ITGB6: variants seen among roughly 807,000 people sequenced by gnomAD.
The protein encoded by ITGB6 is integrin subunit beta 6.
ITGB6 carries 80 observed loss-of-function variants against 84.5 expected under a neutral mutation model. That is an observed-to-expected ratio of 0.95 (90% confidence interval 0.79 to 1.14). The LOEUF is 1.14. Among genes scored for constraint, ITGB6 ranks in the 50% most tolerant of loss-of-function variants. The pLI is 0.00. For missense variants in ITGB6, 1,006 were observed against 968.0 expected (o/e 1.04, Z -0.52); for synonymous variants, 383 against 354.9 (o/e 1.08, Z -0.89).
chr2:160,128,850 G>C (rs1033374731), intron 10 of ITGB6, among the ~76,000 whole-genome samples: 1 of 152,116 alleles, frequency 6.6e-6, no homozygotes, highest in Non-Finnish European at 1.5e-5. Context: ...TGGGGAAGAT[G>C]ATGAGTTCAC....
chr2:160,195,368 C>T lies in ITGB6; in HGVS notation c.593+1G>A. ...AGATGCCAAGAGAATCATTTACTTA[C>T]CTGCAAGGGTTGGCAATTTCTTCTG... On this transcript the variant is annotated splice_donor_variant, in intron 4 of 14. Transcript: ENST00000283249. LOFTEE classifies it high-confidence loss of function. 1 of 1,614,082 alleles carries T rather than the reference C, an allele frequency of 6.2e-7. No individual in the cohort carries two copies. Among genetic ancestry groups the T allele is most frequent in the Non-Finnish European group, 8.5e-7 (1 of 1,179,956 alleles).
chr2:160,168,111 C>G (rs776682865), intron 7 of ITGB6, among the ~76,000 whole-genome samples: 1 of 152,210 alleles, frequency 6.6e-6, no homozygotes, highest in East Asian at 1.9e-4. Context: ...ACACAGGTTT[C>G]AAGTATGGAG....
intron 14 of ITGB6, among the ~76,000 whole-genome samples, chr2:160,103,246 A>C (rs999141025): frequency 6.6e-6 from 1 of 152,172 alleles, no homozygotes; most frequent in Admixed American, 6.5e-5. Flanking sequence ...AAAGAATTGA[A>C]TAAAATCGGA....
At chr2:160,121,346 A>G (rs999130017) in intron 12 of ITGB6, among the ~76,000 whole-genome samples, 1 of 152,250 alleles carries the variant, frequency 6.6e-6, no homozygotes, top group Non-Finnish European at 1.5e-5. Flanking sequence ...AGTCCTGCAA[A>G]GAAAACAAGA....
At chr2:160,124,036 A>C in intron 11 of ITGB6, 148 bp from the exon 12 acceptor site, 1 of 579,850 alleles carries the variant, frequency 1.7e-6, no homozygotes, top group Non-Finnish European at 3.0e-6. Context: ...AAAGGATAGT[A>C]GGGTAATGTC....
intron 7 of ITGB6, among the ~76,000 whole-genome samples, chr2:160,160,781 C>A (rs1003300951): frequency 6.6e-6 from 1 of 152,144 alleles, no homozygotes; most frequent in Non-Finnish European, 1.5e-5. Flanking sequence ...TTCAAACTTA[C>A]AGTCCGGGCC....
intron 7 of ITGB6, among the ~76,000 whole-genome samples, chr2:160,153,998 G>A (rs576543095): frequency 6.6e-6 from 1 of 152,332 alleles, no homozygotes; most frequent in East Asian, 1.9e-4. Flanking sequence ...GTGTAAATTA[G>A]TTAAACCATT....
intron 2 of ITGB6, among the ~76,000 whole-genome samples, chr2:160,196,654 T>C (rs1007898337): frequency 6.6e-6 from 1 of 152,106 alleles, no homozygotes; most frequent in South Asian, 2.1e-4. Flanking sequence ...TCAGTTATGT[T>C]CAATTGAATT....
chr2:160,127,334 T>A (rs1006522091), intron 10 of ITGB6, among the ~76,000 whole-genome samples: 4 of 152,188 alleles, frequency 2.6e-5, no homozygotes, highest in African/African-American at 9.7e-5. Context: ...GGACGCTTCA[T>A]CTGCATAATA....
intron 4 of ITGB6, among the ~76,000 whole-genome samples, chr2:160,176,998 T>A (rs1424272111): frequency 2.6e-5 from 4 of 152,206 alleles, no homozygotes; most frequent in Non-Finnish European, 5.9e-5. Flanking sequence ...TGATTGTGAA[T>A]TGCTGGGTTA....
chr2:160,163,074 A>G (rs982684208), intron 7 of ITGB6, among the ~76,000 whole-genome samples: 17 of 152,148 alleles, frequency 1.1e-4, no homozygotes, highest in African/African-American at 4.1e-4. Flanking sequence ...AGATGTGCTG[A>G]CCCAATGCAT....
chr2:160,186,551 G>A (rs148331862), intron 4 of ITGB6, among the ~76,000 whole-genome samples: 1 of 152,202 alleles, frequency 6.6e-6, no homozygotes, highest in Non-Finnish European at 1.5e-5. Context: ...GTGGAAGACA[G>A]TGTGGCCATT....
At chr2:160,144,916 G>A (rs2105828897) in intron 7 of ITGB6, among the ~76,000 whole-genome samples, 1 of 152,192 alleles carries the variant, frequency 6.6e-6, no homozygotes, top group African/African-American at 2.4e-5. Flanking sequence ...ATTGCACAGA[G>A]GAAAACTATT....
chr2:160,103,186 A>G (rs1023440925), intron 14 of ITGB6, among the ~76,000 whole-genome samples: 1 of 152,174 alleles, frequency 6.6e-6, no homozygotes, highest in African/African-American at 2.4e-5. Flanking sequence ...TGGATTTGAA[A>G]AAAAACCTTA....
intron 12 of ITGB6, among the ~76,000 whole-genome samples, chr2:160,113,942 C>T (rs1157485734): frequency 6.6e-6 from 1 of 152,248 alleles, no homozygotes; most frequent in East Asian, 1.9e-4. Context: ...TTCTTTCCCC[C>T]TCTCTGTGGG....
intron 11 of ITGB6, among the ~76,000 whole-genome samples, chr2:160,124,808 G>T (rs1683173564): frequency 6.6e-6 from 1 of 152,170 alleles, no homozygotes; most frequent in African/African-American, 2.4e-5. Context: ...AGACCAATCA[G>T]TTCCTTTGCA....
intron 12 of ITGB6, among the ~76,000 whole-genome samples, chr2:160,116,300 T>C (rs1682764298): frequency 6.6e-6 from 1 of 151,528 alleles, no homozygotes; most frequent in Non-Finnish European, 1.5e-5. Context: ...CCCATCAGAC[T>C]AACAGCTGAT....
chr2:160,170,199 T>A (rs939404218), intron 6 of ITGB6, among the ~76,000 whole-genome samples: 2 of 152,140 alleles, frequency 1.3e-5, no homozygotes, highest in East Asian at 3.8e-4. Context: ...GGAACACTGA[T>A]AAATAAGCCC....
At chr2:160,128,165 C>T (rs997369566) in intron 10 of ITGB6, among the ~76,000 whole-genome samples, 2 of 151,512 alleles carry the variant, frequency 1.3e-5, no homozygotes, top group Non-Finnish European at 2.9e-5. Flanking sequence ...ATGAATACTA[C>T]TACTAATAAA....
Sources: gnomAD v4.1 joint callset for allele counts (sites outside exome capture counted in the v4.1 genomes callset) on GRCh38, gnomAD v4.1.1 for gene constraint, MANE v1.5 for transcripts, NCBI Gene and HGNC (gene_info 2026-07-23, HGNC 2026-07-21) for gene names.